Variants in MCF2L2 observed in about 807,000 individuals in gnomAD.
MCF2L2 encodes the protein MCF.2 cell line derived transforming sequence-like 2.
MCF2L2 carries 102 observed loss-of-function variants against 150.2 expected under a neutral mutation model. That is an observed-to-expected ratio of 0.68 (90% CI 0.58 to 0.80). The LOEUF is 0.80. Among genes scored for constraint, MCF2L2 ranks in the 30% least tolerant of loss-of-function variants. The probability of loss-of-function intolerance (pLI) is 0.00; values close to 1 mark genes in which losing one functional copy is unlikely to be tolerated. For synonymous variants in MCF2L2, 465 were observed against 491.3 expected (o/e 0.95, Z 0.71); for missense variants, 1,256 against 1,372.8 (o/e 0.91, Z 1.34).
chr3:183,357,896 T>C (rs778701218), intron 3 of MCF2L2, among the ~76,000 whole-genome samples: 5 of 149,900 alleles, frequency 3.3e-5, no homozygotes, highest in Non-Finnish European at 5.9e-5. Context: ...GTAACAGTGA[T>C]AAGAAAAAGA....
chr3:183,343,911 C>A (rs1235671905), intron 3 of MCF2L2, among the ~76,000 whole-genome samples: 2 of 152,016 alleles, frequency 1.3e-5, no homozygotes, highest in Admixed American at 6.6e-5. Flanking sequence ...TGGCTCACAC[C>A]TGTAATCCCA....
At chr3:183,317,985 T>C in intron 7 of MCF2L2, 83 bp downstream of exon 7, 1 of 1,521,048 alleles carries the variant, frequency 6.6e-7, no homozygotes, top group South Asian at 1.2e-5. Flanking sequence ...GCTTAACTGT[T>C]AATTCTGCTT....
chr3:183,328,509 C>A (rs1164537418), intron 5 of MCF2L2, among the ~76,000 whole-genome samples: 1 of 149,414 alleles, frequency 6.7e-6, no homozygotes, highest in African/African-American at 2.5e-5. Context: ...AGTTGGAGAA[C>A]TGCTTGGTGT....
chr3:183,272,082 T>C lies in MCF2L2; in HGVS notation c.1862+4790A>G, dbSNP rs1006416432. The C allele has an allele frequency of 4.6e-6, 4 of 866,968 alleles. No individual in the cohort carries two copies. The African/African-American group carries it at 7.3e-5, about 16-fold the overall frequency. 53.7% of individuals were successfully genotyped at this position (866,968 alleles called of 1,614,324 possible). A position where few individuals can be genotyped will look rare whatever the true frequency, so the allele number is the denominator to read the frequency against. On this transcript the variant is annotated intron_variant, in intron 15 of 29. Transcript: ENST00000328913. ...AGAGGTGATCTTTATTTTCTAAATA[T>C]TTCAAACTTGAAAACAGAGTAAAAA...
intron 6 of MCF2L2, among the ~76,000 whole-genome samples, chr3:183,321,437 C>CAA (rs754945400): frequency 0.092 from 7,981 of 87,066 alleles, 297 homozygotes; most frequent in East Asian, 0.2. Context: ...GACTCTGTCT[C>CAA]AAAAAAAAAA....
chr3:183,423,138 G>A (rs1715970877), intron 1 of MCF2L2, among the ~76,000 whole-genome samples: 1 of 152,110 alleles, frequency 6.6e-6, no homozygotes, highest in African/African-American at 2.4e-5. Flanking sequence ...GTCAGATGGG[G>A]GAACATGTCC....
At chr3:183,361,115 A>AGACAAGACAAGACAAG (rs1712170472) in intron 3 of MCF2L2, among the ~76,000 whole-genome samples, 1 of 85,618 alleles carries the variant, frequency 1.2e-5, no homozygotes, top group African/African-American at 1.2e-4. Flanking sequence ...GAAAAGAAAA[A>AGACAAGACAAGACAAG]AGAAAAAGAA....
intron 3 of MCF2L2, among the ~76,000 whole-genome samples, chr3:183,354,795 C>T (rs936203694): frequency 3.3e-5 from 5 of 152,160 alleles, no homozygotes; most frequent in Non-Finnish European, 7.3e-5. Context: ...GTCATGGCGT[C>T]GTGGTCCTTA....
At chr3:183,356,224 A>G (rs1711771629) in intron 3 of MCF2L2, among the ~76,000 whole-genome samples, 1 of 152,104 alleles carries the variant, frequency 6.6e-6, no homozygotes, top group Admixed American at 6.5e-5. Context: ...TTATAAAAAA[A>G]AAAAGTATTG....
intron 1 of MCF2L2, among the ~76,000 whole-genome samples, chr3:183,394,111 T>G (rs73062766): frequency 0.021 from 3,172 of 152,282 alleles, 121 homozygotes; most frequent in African/African-American, 0.072. Context: ...GCAGACCCTG[T>G]GACATTACTG....
intron 5 of MCF2L2, among the ~76,000 whole-genome samples, chr3:183,329,343 T>C (rs759711809): frequency 7.2e-5 from 11 of 152,122 alleles, no homozygotes; most frequent in Non-Finnish European, 4.4e-5. Flanking sequence ...ACACCCACCA[T>C]GCCCAGCTAA....
chr3:183,253,652 TGC>T lies in MCF2L2; in HGVS notation c.1863-22637_1863-22636del, dbSNP rs919738890. Reference sequence around the variant, plus strand: ...CCTTTTAACAAGACCCGCCTGAGCCTGCGTTAGAGCTCCCGCTCGGAAAGTAA... The same window carrying T: ...CCTTTTAACAAGACCCGCCTGAGCCTGTTAGAGCTCCCGCTCGGAAAGTAA... On this transcript the variant is annotated intron_variant, in intron 15 of 29. Coordinates refer to ENST00000328913, the MANE Select transcript of MCF2L2 (RefSeq NM_015078.4). 1.4e-3 allele frequency: 215 copies of T among 152,424 alleles called. 1 individual carries two copies. Among genetic ancestry groups the T allele is most frequent in the African/African-American group, 5.1e-3 (213 of 41,596 alleles). The allele number at this position is 152,424 out of a possible 1,614,324, so 9.4% of individuals were successfully genotyped here.
chr3:183,366,889 T>C (rs1712552974), intron 3 of MCF2L2, among the ~76,000 whole-genome samples: 1 of 152,042 alleles, frequency 6.6e-6, no homozygotes, highest in Admixed American at 6.5e-5. Flanking sequence ...TAATAAAGAA[T>C]CTGCAAGATA....
rs1560023094 is a variant in MCF2L2, at chr3:183,326,507, AAAAAAAAAAC to A, written c.487-3166_487-3157del. Among the ~76,000 whole-genome samples, 504 of 141,886 alleles carry A rather than the reference AAAAAAAAAAC, an allele frequency of 3.6e-3. 6 individuals are homozygous for A. Among genetic ancestry groups the A allele is most frequent in the African/African-American group, 5.2e-3 (194 of 37,132 alleles). The allele number at this position is 141,886 out of a possible 152,430, so 93.1% of individuals were successfully genotyped here. A position where few individuals can be genotyped will look rare whatever the true frequency, so the allele number is the denominator to read the frequency against. On this transcript the variant is annotated intron_variant, in intron 5 of 29. Coordinates refer to ENST00000328913, the MANE Select transcript of MCF2L2 (RefSeq NM_015078.4). Reference sequence around the variant, plus strand: ...AACTCCGTCTCAAAAAAAAAAAAAAAAAAAAAAAACAAAAAAAAACCCACAAACCTTTTTA... The same window carrying A: ...AACTCCGTCTCAAAAAAAAAAAAAAAAAAAAAAAACCCACAAACCTTTTTA...
At chr3:183,343,461 C>T (rs890333708) in intron 3 of MCF2L2, among the ~76,000 whole-genome samples, 1 of 151,696 alleles carries the variant, frequency 6.6e-6, no homozygotes, top group African/African-American at 2.4e-5. Context: ...ACCTCTGCCT[C>T]CAGGGTTCAA....
At chr3:183,363,564 G>C (rs532388593) in intron 3 of MCF2L2, among the ~76,000 whole-genome samples, 4 of 132,678 alleles carry the variant, frequency 3.0e-5, no homozygotes, top group Non-Finnish European at 3.3e-5. Flanking sequence ...GGCAACATAG[G>C]GAGACCCCAA....
chr3:183,406,407 G>A (rs891441774), intron 1 of MCF2L2, among the ~76,000 whole-genome samples: 2 of 152,056 alleles, frequency 1.3e-5, no homozygotes, highest in South Asian at 2.1e-4. Flanking sequence ...TTTAAATTGG[G>A]TCATTTGAGT....
At chr3:183,389,142 C>T (rs961831541) in intron 2 of MCF2L2, among the ~76,000 whole-genome samples, 14 of 152,126 alleles carry the variant, frequency 9.2e-5, no homozygotes, top group African/African-American at 3.4e-4. Flanking sequence ...TAAGAAAGAA[C>T]AGTATTCAAG....
intron 1 of MCF2L2, among the ~76,000 whole-genome samples, chr3:183,395,104 C>A (rs1463268510): frequency 1.3e-5 from 2 of 152,186 alleles, no homozygotes; most frequent in East Asian, 3.8e-4. Flanking sequence ...AACGTCTTAA[C>A]CATTACAGTC....
Sources: gnomAD v4.1 joint callset for allele counts (sites outside exome capture counted in the v4.1 genomes callset) on GRCh38, gnomAD v4.1.1 for gene constraint, MANE v1.5 for transcripts, NCBI Gene and HGNC (gene_info 2026-07-23, HGNC 2026-07-21) for gene names.